Variants in OXCT1 observed in about 807,000 individuals in gnomAD.
OXCT1 encodes succinyl-CoA:3-ketoacid coenzyme A transferase 1, mitochondrial.
A neutral mutation model predicts 69.6 loss-of-function variants in OXCT1; 27 were observed. That is an observed-to-expected ratio of 0.39 (90% CI 0.29 to 0.54). The LOEUF (loss-of-function observed/expected upper bound fraction) is 0.54, where lower values mean the gene tolerates loss of function less well. Among genes scored for constraint, OXCT1 ranks in the 20% least tolerant of loss-of-function variants. The pLI is 0.72. For missense variants in OXCT1, 437 were observed against 650.2 expected, an observed-to-expected ratio of 0.67 and a Z score of 3.57; for synonymous variants, 202 against 217.8, an observed-to-expected ratio of 0.93 and a Z score of 0.64.
chr5:41,857,316 G>A (rs946762192), intron 3 of OXCT1, among the ~76,000 whole-genome samples: 5 of 152,126 alleles, frequency 3.3e-5, no homozygotes, highest in African/African-American at 7.2e-5. Flanking sequence ...AAAGGTCTCC[G>A]GAGTGGCCTG....
intron 7 of OXCT1, among the ~76,000 whole-genome samples, chr5:41,840,039 G>A (rs1212379411): frequency 6.6e-6 from 1 of 152,226 alleles, no homozygotes; most frequent in Non-Finnish European, 1.5e-5. Flanking sequence ...CATCAAAGTA[G>A]TTATATGTGC....
rs151124887 is a variant in OXCT1, at chr5:41,778,384, G to A, written c.1248+15619C>T. Among the ~76,000 whole-genome samples, 662 of 152,284 alleles carry A rather than the reference G, an allele frequency of 4.3e-3. 4 individuals carry two copies. Among genetic ancestry groups the A allele is most frequent in the Middle Eastern group, 0.014 (4 of 294 alleles). On this transcript the variant is annotated intron_variant, in intron 13 of 16. Transcript: ENST00000196371. ...ATAATTCCACTACACTGGTTAAGAGGGGAGAGAGAACGGTAAATGTAAAAT... is the reference window on the plus strand; with the variant it reads ...ATAATTCCACTACACTGGTTAAGAGAGGAGAGAGAACGGTAAATGTAAAAT...
At chr5:41,794,626 C>T (rs1217054229) in intron 12 of OXCT1, 51 bp downstream of exon 12, 1 of 1,517,892 alleles carries the variant, frequency 6.6e-7, no homozygotes, top group Non-Finnish European at 9.1e-7. Flanking sequence ...CAGACGATGA[C>T]TCAGCTCATT....
At chr5:41,742,077 A>T (rs1320762470) in intron 15 of OXCT1, among the ~76,000 whole-genome samples, 1 of 152,224 alleles carries the variant, frequency 6.6e-6, no homozygotes, top group Non-Finnish European at 1.5e-5. Context: ...GAAATGATTT[A>T]GAGAGAAGAT....
intron 14 of OXCT1, among the ~76,000 whole-genome samples, chr5:41,759,758 G>A (rs1416911007): frequency 6.6e-6 from 1 of 151,958 alleles, no homozygotes; most frequent in East Asian, 1.9e-4. Context: ...TAACCCTATC[G>A]ATAAGGAAAT....
intron 3 of OXCT1, among the ~76,000 whole-genome samples, chr5:41,857,967 G>C (rs943702698): frequency 6.6e-6 from 1 of 152,192 alleles, no homozygotes; most frequent in African/African-American, 2.4e-5. Context: ...GACACTGATT[G>C]ACTTGGGAAT....
At chr5:41,772,365 A>C (rs922012155) in intron 13 of OXCT1, among the ~76,000 whole-genome samples, 6 of 152,036 alleles carry the variant, frequency 3.9e-5, no homozygotes, top group African/African-American at 1.4e-4. Flanking sequence ...AAAAAAACAA[A>C]AAAAAAAAGA....
chr5:41,856,753 C>CTAAT (rs1749446865), intron 3 of OXCT1, among the ~76,000 whole-genome samples: 1 of 152,166 alleles, frequency 6.6e-6, no homozygotes, highest in African/African-American at 2.4e-5. Context: ...CAAAAGAAAA[C>CTAAT]TAATGCCTAA....
At chr5:41,792,677 T>G (rs906900589) in intron 13 of OXCT1, among the ~76,000 whole-genome samples, 22 of 152,342 alleles carry the variant, frequency 1.4e-4, no homozygotes, top group African/African-American at 4.1e-4. Flanking sequence ...CCCTTGTAAC[T>G]ATGGCTGATT....
At chr5:41,801,172 A>G in intron 10 of OXCT1, 102 bp from the exon 11 acceptor site, 1 of 933,938 alleles carries the variant, frequency 1.1e-6, no homozygotes, top group Admixed American at 1.8e-5. Flanking sequence ...CTATAAATTT[A>G]TCATCCGAAG....
chr5:41,809,016 G>A (rs538924162), intron 7 of OXCT1, among the ~76,000 whole-genome samples: 1 of 152,072 alleles, frequency 6.6e-6, no homozygotes, highest in Admixed American at 6.6e-5. Flanking sequence ...CAGCAATAGG[G>A]AAATGGTCAA....
At chr5:41,815,492 G>A (rs1278761444) in intron 7 of OXCT1, among the ~76,000 whole-genome samples, 1 of 151,932 alleles carries the variant, frequency 6.6e-6, no homozygotes, top group African/African-American at 2.4e-5. Flanking sequence ...AACATTTTTT[G>A]TTTGCCCAGA....
intron 15 of OXCT1, among the ~76,000 whole-genome samples, chr5:41,742,419 C>T (rs1743213709): frequency 6.6e-6 from 1 of 152,182 alleles, no homozygotes; most frequent in South Asian, 2.1e-4. Context: ...CAAAAGCTTA[C>T]ATTATGGGTA....
intron 4 of OXCT1, among the ~76,000 whole-genome samples, chr5:41,850,672 A>G (rs1041999294): frequency 2.0e-5 from 3 of 152,102 alleles, no homozygotes; most frequent in Non-Finnish European, 4.4e-5. Context: ...CAAATCGTCT[A>G]AGAAAAAAAA....
At chr5:41,759,506 A>G (rs1744245042) in intron 14 of OXCT1, among the ~76,000 whole-genome samples, 1 of 152,102 alleles carries the variant, frequency 6.6e-6, no homozygotes, top group African/African-American at 2.4e-5. Flanking sequence ...ATGAAAATCA[A>G]GTTACAATGC....
chr5:41,822,752 C>T (rs549433962), intron 7 of OXCT1, among the ~76,000 whole-genome samples: 34 of 152,244 alleles, frequency 2.2e-4, no homozygotes, highest in Middle Eastern at 3.4e-3. Context: ...TCTGAGCCAC[C>T]GTGCCCAGCC....
chr5:41,756,401 G>A (rs1372490030), intron 14 of OXCT1, among the ~76,000 whole-genome samples: 1 of 152,054 alleles, frequency 6.6e-6, no homozygotes, highest in Non-Finnish European at 1.5e-5. Flanking sequence ...AAGCCCAGAG[G>A]CAGAATGCAT....
chr5:41,744,068 G>A (rs1159484049), intron 15 of OXCT1, among the ~76,000 whole-genome samples: 1 of 152,110 alleles, frequency 6.6e-6, no homozygotes, highest in African/African-American at 2.4e-5. Context: ...AATTACCTTG[G>A]GCAGTATGGC....
intron 13 of OXCT1, among the ~76,000 whole-genome samples, chr5:41,769,906 G>A (rs564170807): frequency 5.3e-5 from 8 of 152,192 alleles, no homozygotes; most frequent in African/African-American, 1.4e-4. Context: ...TTACAGGCAC[G>A]CGCCCACCAT....
Sources: allele counts gnomAD v4.1 joint callset (sites outside exome capture counted in the v4.1 genomes callset), GRCh38; gene constraint gnomAD v4.1.1; transcripts MANE v1.5; gene names NCBI Gene and HGNC (gene_info 2026-07-23, HGNC 2026-07-21).